The following SNX29 variants were observed in gnomAD, a reference collection of about 807,000 sequenced individuals.
SNX29 encodes the protein sorting nexin-29.
In SNX29, 78 loss-of-function variants were observed where a neutral mutation model predicts 102.1. That is an observed-to-expected ratio of 0.76 (90% CI 0.64 to 0.92). The LOEUF (loss-of-function observed/expected upper bound fraction) is 0.92, where lower values mean the gene tolerates loss of function less well. SNX29 is among the 40% of genes least tolerant of loss of function. SNX29 has a pLI of 0.00. For missense variants in SNX29, 1,280 were observed against 1,061.7 expected (o/e 1.21, Z -2.86); for synonymous variants, 580 against 414.5 (o/e 1.40, Z -4.85).
At chr16:12,399,557 C>T (rs950250316) in intron 17 of SNX29, among the ~76,000 whole-genome samples, 24 of 152,210 alleles carry the variant, frequency 1.6e-4, no homozygotes, top group African/African-American at 5.3e-4. Context: ...GGCTGGCCTG[C>T]GTTGAAATCT....
intron 13 of SNX29, among the ~76,000 whole-genome samples, chr16:12,177,187 A>G (rs1250518598): frequency 6.6e-6 from 1 of 152,112 alleles, no homozygotes; most frequent in Non-Finnish European, 1.5e-5. Flanking sequence ...GAGATCCTCA[A>G]GCGATCCTCC....
chr16:12,532,386 T>A (rs1222735225), intron 20 of SNX29, among the ~76,000 whole-genome samples: 1 of 152,196 alleles, frequency 6.6e-6, no homozygotes, highest in Non-Finnish European at 1.5e-5. Flanking sequence ...AGCGTTCACT[T>A]GTGTTTCCCA....
At chr16:12,302,650 T>C (rs2080213929) in intron 15 of SNX29, among the ~76,000 whole-genome samples, 1 of 152,250 alleles carries the variant, frequency 6.6e-6, no homozygotes, top group Non-Finnish European at 1.5e-5. Flanking sequence ...AAGGCCCTGC[T>C]CTTCTAATAC....
At position 11,996,632 on chromosome 16, in the gene SNX29, AT is replaced by A. The variant is rs1205070247; in HGVS notation, c.8-2663del. Among the ~76,000 whole-genome samples, 3 of 152,338 alleles carry A rather than the reference AT, an allele frequency of 2.0e-5. No homozygotes were observed. In the East Asian group the frequency reaches 5.8e-4, roughly 29 times the overall value. On this transcript the variant is annotated intron_variant, in intron 1 of 20. Transcript: ENST00000566228. ...GAACCCTGTCAAGTTTCCAGTTGGC[AT>A]TGCTCAAGGGCAGGTAGAGCTGTCG...
rs988158905 is a variant in SNX29 at position 12,574,170 on chromosome 16, C to T, written c.*5541C>T. 4 of 180,138 alleles carry T rather than the reference C, an allele frequency of 2.2e-5. No individual in the cohort carries two copies. The highest frequency in any genetic ancestry group is 9.4e-5 in the African/African-American group (4 of 42,364). 11.2% of individuals were successfully genotyped at this position (180,138 alleles called of 1,614,324 possible). Reference sequence around the variant, plus strand: ...ACAAATGTGTTTAATTTTTTAAGATCTCTTGTATTAAAATTTTCTTTTGGA... The same window carrying T: ...ACAAATGTGTTTAATTTTTTAAGATTTCTTGTATTAAAATTTTCTTTTGGA... On this transcript the variant is annotated 3_prime_UTR_variant, in exon 21 of 21. Transcript: ENST00000566228.
At chr16:12,541,061 C>G (rs145280641) in intron 20 of SNX29, among the ~76,000 whole-genome samples, 1 of 152,154 alleles carries the variant, frequency 6.6e-6, no homozygotes, top group Non-Finnish European at 1.5e-5. Context: ...ATTTAGTTTC[C>G]TGAGTTATTG....
intron 15 of SNX29, among the ~76,000 whole-genome samples, chr16:12,327,779 G>C (rs2081165963): frequency 6.6e-6 from 1 of 152,088 alleles, no homozygotes; most frequent in Admixed American, 6.5e-5. Context: ...CTTGCAGGGA[G>C]GACAGGCAGG....
chr16:12,505,073 C>T (rs931441262), intron 19 of SNX29, among the ~76,000 whole-genome samples: 14 of 152,152 alleles, frequency 9.2e-5, no homozygotes, highest in African/African-American at 3.4e-4. Flanking sequence ...AATTTAAGAC[C>T]AGCCTGGGCA....
intron 14 of SNX29, among the ~76,000 whole-genome samples, chr16:12,202,632 A>G (rs1283442299): frequency 6.6e-6 from 1 of 152,340 alleles, no homozygotes; most frequent in East Asian, 1.9e-4. Context: ...TCTCCTCGCC[A>G]CGGAGCCAGT....
Position 12,211,602 on chromosome 16 carries a change from C to T in SNX29, c.1678+11919C>T, listed in dbSNP as rs77956007. On this transcript the variant is annotated intron_variant, in intron 14 of 20. Coordinates refer to ENST00000566228, the MANE Select transcript of SNX29 (RefSeq NM_032167.5). ...TGTGTGTAGACAGATTGAGATTGAT[C>T]GATATTTTAAGGAATTGACCCATGT... 2.9e-3 allele frequency among the ~76,000 whole-genome samples: 441 copies of T among 152,008 alleles called. 2 individuals are homozygous for T. Among genetic ancestry groups the T allele is most frequent in the African/African-American group, 9.9e-3 (410 of 41,432 alleles).
chr16:12,126,523 G>A lies in SNX29; in HGVS notation c.1403-110G>A, dbSNP rs1333533633. 9 of 1,125,484 alleles carry A rather than the reference G, an allele frequency of 8.0e-6. No individual in the cohort carries two copies. The African/African-American group carries it at 1.4e-4, about 18-fold the overall frequency. 69.7% of individuals were successfully genotyped at this position (1,125,484 alleles called of 1,614,324 possible). On this transcript the variant is annotated intron_variant, in intron 11 of 20. Coordinates refer to ENST00000566228, the MANE Select transcript of SNX29 (RefSeq NM_032167.5). Reference sequence around the variant, plus strand: ...AGGAGTTATTTTTGAAAGGGAAAAGGGAACTTATCTAGACAAGTCATCCTT... The same window carrying A: ...AGGAGTTATTTTTGAAAGGGAAAAGAGAACTTATCTAGACAAGTCATCCTT...
intron 18 of SNX29, among the ~76,000 whole-genome samples, chr16:12,430,747 G>C (rs1268302507): frequency 6.6e-6 from 1 of 152,142 alleles, no homozygotes; most frequent in Non-Finnish European, 1.5e-5. Context: ...GCTGGAAGCG[G>C]GCTGTAGAGA....
At position 12,046,530 on chromosome 16, in the gene SNX29, G is replaced by T. The variant is rs752996842; in HGVS notation, c.499+76G>T. 9.4e-6 allele frequency: 13 copies of T among 1,377,150 alleles called. No homozygotes were observed. The East Asian group carries it at 1.1e-4, about 12-fold the overall frequency. The allele number at this position is 1,377,150 out of a possible 1,614,324, so 85.3% of individuals were successfully genotyped here. A position where few individuals can be genotyped will look rare whatever the true frequency, so the allele number is the denominator to read the frequency against. Reference sequence around the variant, plus strand: ...GGCTGCCTTGGGGCAGTTCCACAGCGCCATGGAGTGTTGTGATTCTTCTGT... The same window carrying T: ...GGCTGCCTTGGGGCAGTTCCACAGCTCCATGGAGTGTTGTGATTCTTCTGT... On this transcript the variant is annotated intron_variant, in intron 6 of 20. Transcript: ENST00000566228.
chr16:11,993,466 A>G (rs892032351), intron 1 of SNX29, among the ~76,000 whole-genome samples: 6 of 152,160 alleles, frequency 3.9e-5, no homozygotes, highest in African/African-American at 1.4e-4. Flanking sequence ...AGAGGTCTTG[A>G]TACCTTGGGG....
chr16:12,568,540 C>A lies in SNX29; in HGVS notation c.2353C>A (p.Arg785=). Residue 785 remains arginine, a synonymous_variant, in exon 21 of 21, where the codon CGG becomes AGG. Coordinates refer to ENST00000566228, the MANE Select transcript of SNX29 (RefSeq NM_032167.5). ...ITPPGEPVNS[R]PKAASRFPKL... ...CCCGCCCGGAGAGCCTGTGAACAGCCGGCCCAAAGCAGCTTCCCGCTTCCC... is the reference window on the plus strand; with the variant it reads ...CCCGCCCGGAGAGCCTGTGAACAGCAGGCCCAAAGCAGCTTCCCGCTTCCC... 6.2e-7 allele frequency: 1 copy of A among 1,609,684 alleles called. No homozygotes were observed. Among genetic ancestry groups the A allele is most frequent in the Non-Finnish European group, 8.5e-7 (1 of 1,179,842 alleles).
intron 9 of SNX29, among the ~76,000 whole-genome samples, chr16:12,067,660 G>A (rs533671602): frequency 6.6e-6 from 1 of 152,198 alleles, no homozygotes; most frequent in South Asian, 2.1e-4. Flanking sequence ...GCTAATTTTT[G>A]TATTTTTAGT....
intron 18 of SNX29, among the ~76,000 whole-genome samples, chr16:12,418,622 C>G (rs1030341385): frequency 6.6e-6 from 1 of 152,048 alleles, no homozygotes; most frequent in South Asian, 2.1e-4. Flanking sequence ...TCAAGTGATT[C>G]TCCTGCCTCA....
At chr16:11,998,432 A>T (rs1467354660) in intron 1 of SNX29, among the ~76,000 whole-genome samples, 2 of 152,146 alleles carry the variant, frequency 1.3e-5, no homozygotes, top group Non-Finnish European at 2.9e-5. Context: ...ATGCTTTTGG[A>T]TGCAAGTAAC....
intron 18 of SNX29, among the ~76,000 whole-genome samples, chr16:12,455,279 C>G (rs2086484608): frequency 1.3e-5 from 2 of 152,276 alleles, no homozygotes; most frequent in African/African-American, 2.4e-5. Flanking sequence ...TTCTAAAGCC[C>G]CCACACCTCG....
Sources: allele counts gnomAD v4.1 joint callset (sites outside exome capture counted in the v4.1 genomes callset), GRCh38; gene constraint gnomAD v4.1.1; transcripts MANE v1.5; gene names NCBI Gene and HGNC (gene_info 2026-07-23, HGNC 2026-07-21).